The following ABLIM1 variants were observed in gnomAD, a reference collection of about 807,000 sequenced individuals.
The protein encoded by ABLIM1 is actin-binding LIM protein 1.
Under a neutral mutation model 107.0 loss-of-function variants are expected in ABLIM1, and 40 were observed. The ratio of observed to expected loss-of-function variants is 0.37; its 90% CI spans 0.29 to 0.49. The LOEUF (loss-of-function observed/expected upper bound fraction) is 0.49, where lower values mean the gene tolerates loss of function less well. Among genes scored for constraint, ABLIM1 ranks in the 20% least tolerant of loss-of-function variants. ABLIM1 has a pLI of 0.97. For missense variants in ABLIM1, 857 were observed against 1,008.5 expected, an observed-to-expected ratio of 0.85 and a Z score of 2.04; for synonymous variants, 357 against 357.3, an observed-to-expected ratio of 1.00 and a Z score of 0.01.
At chr10:114,471,144 C>T (rs1235790771) in intron 10 of ABLIM1, among the ~76,000 whole-genome samples, 1 of 152,234 alleles carries the variant, frequency 6.6e-6, no homozygotes, top group Non-Finnish European at 1.5e-5. Context: ...CCACCTTGGC[C>T]TTGGCCTCCT....
Position 114,707,304 on chromosome 10 carries a change from C to T in ABLIM1, c.-213+60757G>A, listed in dbSNP as rs1175880236. On this transcript the variant is annotated intron_variant, in intron 1 of 15. Transcript: ENST00000651092. The surrounding 1 kb of genome is among the most constrained non-coding windows in gnomAD (Gnocchi z 4.1). ...ATGGAGTGCAGTGGTGCAGTCTCAG[C>T]TCACTGCAATCTCTGCCTCCCAGGT... Among the ~76,000 whole-genome samples the T allele has an allele frequency of 1.3e-5, 2 of 152,134 alleles. No individual in the cohort carries two copies. Among genetic ancestry groups the T allele is most frequent in the African/African-American group, 2.4e-5 (1 of 41,442 alleles).
intron 6 of ABLIM1, among the ~76,000 whole-genome samples, chr10:114,497,022 C>G (rs2059753580): frequency 6.6e-6 from 1 of 152,180 alleles, no homozygotes; most frequent in South Asian, 2.1e-4. Flanking sequence ...GCAAATTTAC[C>G]AAAAATCAGA....
Position 114,695,386 on chromosome 10 carries a change from C to A in ABLIM1, c.-213+72675G>T, listed in dbSNP as rs1398489616. On this transcript the variant is annotated intron_variant, in intron 1 of 15. Transcript: ENST00000651092. ...ACACCCCCCACTGGAGTAACCATTACTATCCCCATTTTATAGAGGAGAGAA... is the reference window on the plus strand; with the variant it reads ...ACACCCCCCACTGGAGTAACCATTAATATCCCCATTTTATAGAGGAGAGAA... 2.6e-5 allele frequency among the ~76,000 whole-genome samples: 4 copies of A among 152,294 alleles called. No individual in the cohort carries two copies. In the East Asian group the frequency reaches 7.7e-4, roughly 29 times the overall value.
chr10:114,494,314 C>T (rs1034126097), intron 6 of ABLIM1, among the ~76,000 whole-genome samples: 2 of 152,238 alleles, frequency 1.3e-5, no homozygotes, highest in African/African-American at 4.8e-5. Flanking sequence ...AGGAGGCTCA[C>T]TTGAGCCCAG....
rs531858019 is a variant in ABLIM1, at chr10:114,696,447, T to A, written c.-213+71614A>T. Among the ~76,000 whole-genome samples, 12 of 152,298 alleles carry A rather than the reference T, an allele frequency of 7.9e-5. No homozygotes were observed. The South Asian group carries it at 2.3e-3, about 29-fold the overall frequency. On this transcript the variant is annotated intron_variant, in intron 1 of 15. Coordinates refer to the ABLIM1 transcript ENST00000651092. Reference sequence around the variant, plus strand: ...GTCTCTGTGCCCAGATTTCCTCTTCTTATAAGGACACCATTTGATATGGTT... The same window carrying A: ...GTCTCTGTGCCCAGATTTCCTCTTCATATAAGGACACCATTTGATATGGTT...
At chr10:114,493,136 C>A (rs2059230486) in intron 6 of ABLIM1, among the ~76,000 whole-genome samples, 1 of 152,092 alleles carries the variant, frequency 6.6e-6, no homozygotes, top group Non-Finnish European at 1.5e-5. Context: ...CGGGAAATAT[C>A]AACACAAAGT....
At chr10:114,504,069 G>A (rs1176914874) in intron 6 of ABLIM1, among the ~76,000 whole-genome samples, 1 of 152,196 alleles carries the variant, frequency 6.6e-6, no homozygotes, top group Non-Finnish European at 1.5e-5. Context: ...CTTCTAGTCA[G>A]GACCAAGGCT....
chr10:114,675,129 T>G (rs1036744961), intron 1 of ABLIM1, among the ~76,000 whole-genome samples: 6 of 152,164 alleles, frequency 3.9e-5, no homozygotes, highest in African/African-American at 1.4e-4. Context: ...ATTCACCCTA[T>G]GTCGCCAAGT....
At chr10:114,515,471 G>A (rs1006987315) in intron 6 of ABLIM1, among the ~76,000 whole-genome samples, 5 of 152,144 alleles carry the variant, frequency 3.3e-5, no homozygotes, top group Admixed American at 6.5e-5. Context: ...GAGTGAGTTC[G>A]TGAGTGTGAA....
chr10:114,457,551 G>T (rs774495977), intron 12 of ABLIM1, among the ~76,000 whole-genome samples: 1 of 152,094 alleles, frequency 6.6e-6, no homozygotes, highest in African/African-American at 2.4e-5. Context: ...GATTACAGGC[G>T]TGAGATACTG....
intron 1 of ABLIM1, among the ~76,000 whole-genome samples, chr10:114,672,286 C>T (rs11196856): frequency 1.4e-4 from 22 of 152,154 alleles, no homozygotes; most frequent in African/African-American, 3.6e-4. Flanking sequence ...CTGCAACCTC[C>T]GCCGCCCAGG....
At chr10:114,791,497 G>A in the ABLIM1 span, among the ~76,000 whole-genome samples, 1 of 152,048 alleles carries the variant, frequency 6.6e-6, no homozygotes, top group African/African-American at 2.4e-5. Context: ...AATTAGACGG[G>A]CGTGGTGGTG....
chr10:114,615,060 A>AAAAAG (rs1555205045), intron 1 of ABLIM1, among the ~76,000 whole-genome samples: 36 of 151,688 alleles, frequency 2.4e-4, no homozygotes, highest in African/African-American at 4.6e-4. Context: ...CAAAAAAAAA[A>AAAAAG]AAAGAAAGAA....
intron 17 of ABLIM1, among the ~76,000 whole-genome samples, chr10:114,442,691 A>G (rs966464118): frequency 2.0e-5 from 3 of 152,170 alleles, no homozygotes; most frequent in Non-Finnish European, 4.4e-5. Context: ...CACGCTGGGT[A>G]TGTTAACTCA....
At chr10:114,459,396 C>G (rs947099916) in intron 12 of ABLIM1, among the ~76,000 whole-genome samples, 7 of 152,192 alleles carry the variant, frequency 4.6e-5, no homozygotes, top group Non-Finnish European at 8.8e-5. Context: ...CCATAGGCTC[C>G]CCCCATTCAG....
intron 22 of ABLIM1, 88 bp from the exon 23 acceptor site, chr10:114,436,461 G>C: frequency 1.0e-6 from 1 of 980,818 alleles, no homozygotes; most frequent in Admixed American, 2.3e-5. Flanking sequence ...TTTATACAGA[G>C]TCATTCTGAA....
chr10:114,511,363 T>C (rs907620828), intron 6 of ABLIM1, among the ~76,000 whole-genome samples: 2 of 151,936 alleles, frequency 1.3e-5, no homozygotes, highest in African/African-American at 4.9e-5. Context: ...CCTTCTCACC[T>C]CTTTAAAAAA....
rs1336260288 is a variant in ABLIM1 at position 114,501,336 on chromosome 10, T to C, written c.895-9458A>G. ...TCTAGAGACTGTCCAACAGAGCCAA[T>C]GTTGTTTTCCCAGGCCTCAGGAGCT... On this transcript the variant is annotated intron_variant, in intron 6 of 22. Transcript: ENST00000533213. Among the ~76,000 whole-genome samples, 4 of 152,176 alleles carry C rather than the reference T, an allele frequency of 2.6e-5. No homozygotes were observed. In the South Asian group the frequency reaches 6.2e-4, roughly 24 times the overall value.
chr10:114,480,523 T>C (rs1565503304), intron 8 of ABLIM1, among the ~76,000 whole-genome samples: 2 of 152,250 alleles, frequency 1.3e-5, no homozygotes, highest in South Asian at 2.1e-4. Flanking sequence ...CAGTTCTTCC[T>C]TTTGATGCTA....
Sources: allele counts gnomAD v4.1 joint callset (sites outside exome capture counted in the v4.1 genomes callset), GRCh38; gene constraint gnomAD v4.1.1; non-coding constraint Gnocchi (gnomAD v3.1); transcripts MANE v1.5; gene names NCBI Gene and HGNC (gene_info 2026-07-23, HGNC 2026-07-21).